Variants in COL5A1 observed in about 807,000 individuals in gnomAD.
COL5A1 encodes the protein collagen alpha-1(V) chain.
A neutral mutation model predicts 263.7 loss-of-function variants in COL5A1; 16 were observed. The observed-to-expected ratio is 0.06, with a 90% CI of 0.04 to 0.09. The LOEUF (loss-of-function observed/expected upper bound fraction) is 0.09. COL5A1 is among the 10% of genes least tolerant of loss of function. The pLI, the probability that COL5A1 is intolerant of heterozygous loss-of-function variation, is 1.00. For missense variants in COL5A1, 2,036 were observed against 2,540.5 expected (o/e 0.80, Z 4.27); for synonymous variants, 1,012 against 1,004.5 (o/e 1.01, Z -0.14).
intron 4 of COL5A1, among the ~76,000 whole-genome samples, chr9:134,724,934 G>C (rs1418414717): frequency 1.3e-5 from 2 of 152,096 alleles, no homozygotes; most frequent in African/African-American, 4.8e-5. Flanking sequence ...TGGAGAACTT[G>C]CCATCCTCCA....
chr9:134,813,759 T>C (rs934748738), intron 48 of COL5A1, among the ~76,000 whole-genome samples: 2 of 152,232 alleles, frequency 1.3e-5, no homozygotes, highest in African/African-American at 4.8e-5. Context: ...ACAGTGTTGC[T>C]TGCAGTCTGG....
chr9:134,703,862 A>C (rs1833757339), intron 4 of COL5A1, among the ~76,000 whole-genome samples: 1 of 151,574 alleles, frequency 6.6e-6, no homozygotes, highest in Non-Finnish European at 1.5e-5. Flanking sequence ...GATGGTCTCG[A>C]TCTCCTGACC....
intron 1 of COL5A1, among the ~76,000 whole-genome samples, chr9:134,670,449 C>G (rs1171617964): frequency 4.6e-5 from 7 of 152,196 alleles, no homozygotes; most frequent in Non-Finnish European, 8.8e-5. Context: ...TGTCCGAGAA[C>G]TGGGGCTGCT....
rs573623964 is a variant in COL5A1 at position 134,835,231 on chromosome 9, C to T, written c.5370+27C>T. On this transcript the variant is annotated intron_variant, in intron 65 of 65. Transcript: ENST00000371817. ...TGAGTATCCCGCGCCGCGCCCAGCACCCCTGCTCACGCCTCCGTGGGGCTC... is the reference window on the plus strand; with the variant it reads ...TGAGTATCCCGCGCCGCGCCCAGCATCCCTGCTCACGCCTCCGTGGGGCTC... 22 of 1,592,698 alleles carry T rather than the reference C, an allele frequency of 1.4e-5. No individual in the cohort carries two copies. In the African/African-American group the frequency reaches 2.7e-4, roughly 19 times the overall value.
At chr9:134,793,389 G>GGT (rs1554801168) in intron 32 of COL5A1, among the ~76,000 whole-genome samples, 5 of 151,766 alleles carry the variant, frequency 3.3e-5, no homozygotes, top group African/African-American at 1.2e-4. Flanking sequence ...GAGGCTGGGG[G>GGT]GGGCATTCTG....
intron 34 of COL5A1, among the ~76,000 whole-genome samples, chr9:134,795,866 G>A (rs569328750): frequency 2.8e-4 from 42 of 152,210 alleles, no homozygotes; most frequent in Admixed American, 7.9e-4. Flanking sequence ...GCTGGGATGA[G>A]TCTTCCAAGG....
intron 28 of COL5A1, among the ~76,000 whole-genome samples, chr9:134,780,646 C>T (rs1837216363): frequency 6.6e-6 from 1 of 152,242 alleles, no homozygotes; most frequent in South Asian, 2.1e-4. Flanking sequence ...TCCGTGGGGG[C>T]AGGTCAGGCC....
At position 134,844,571 on chromosome 9, in the gene COL5A1, T is replaced by G. The variant is rs1830195143; in HGVS notation, c.*2268T>G. ...AAATTCTTTTGGTGTAATTTTATTTTTTCCTCTCAATATATATAATTGGAC... is the reference window on the plus strand; with the variant it reads ...AAATTCTTTTGGTGTAATTTTATTTGTTCCTCTCAATATATATAATTGGAC... On this transcript the variant is annotated 3_prime_UTR_variant, in exon 66 of 66. Coordinates refer to ENST00000371817, the MANE Select transcript of COL5A1 (RefSeq NM_000093.5). 2 of 152,208 alleles carry G rather than the reference T, an allele frequency of 1.3e-5. No individual in the cohort carries two copies. Among genetic ancestry groups the G allele is most frequent in the African/African-American group, 4.8e-5 (2 of 41,446 alleles). 9.4% of individuals were successfully genotyped at this position (152,208 alleles called of 1,614,324 possible).
chr9:134,688,570 C>T lies in COL5A1; in HGVS notation c.110-2342C>T, dbSNP rs547669036. Reference sequence around the variant, plus strand: ...CCAGGTGGGAGGTGCCATACATGCCCGAGGGGGTGACAGAGCTGGGTGGGC... The same window carrying T: ...CCAGGTGGGAGGTGCCATACATGCCTGAGGGGGTGACAGAGCTGGGTGGGC... On this transcript the variant is annotated intron_variant, in intron 1 of 65. Transcript: ENST00000371817. 6.6e-5 allele frequency among the ~76,000 whole-genome samples: 10 copies of T among 152,260 alleles called. No homozygotes were observed. The South Asian group carries it at 8.3e-4, about 13-fold the overall frequency.
In COL5A1 at chr9:134,647,378, C is replaced by T. The variant is rs557752635; in HGVS notation, c.109+5082C>T. On this transcript the variant is annotated intron_variant, in intron 1 of 65. Coordinates refer to ENST00000371817, the MANE Select transcript of COL5A1 (RefSeq NM_000093.5). This position sits in a 1 kb window ranked among gnomAD's most constrained non-coding sequence, Gnocchi z 5.0. ...TTTGTGTGTATGTGTGTCATGTGTG[C>T]GTGTGTGTGTGTGTGTGTCAGGCCG... is the stretch of plus-strand genomic sequence containing the variant. Among the ~76,000 whole-genome samples, 355 of 150,528 alleles carry T rather than the reference C, an allele frequency of 2.4e-3. 2 individuals are homozygous for T. In the Middle Eastern group the frequency reaches 0.038, roughly 16 times the overall value.
intron 1 of COL5A1, among the ~76,000 whole-genome samples, chr9:134,643,430 C>G (rs1027170350): frequency 1.3e-5 from 2 of 152,148 alleles, no homozygotes; most frequent in East Asian, 1.9e-4. Flanking sequence ...CTCTGCTTCA[C>G]GATTGGAAGA....
At chr9:134,728,931 G>C (rs961857361) in intron 6 of COL5A1, 124 bp downstream of exon 6, 30 of 1,288,710 alleles carry the variant, frequency 2.3e-5, no homozygotes, top group Non-Finnish European at 3.3e-5. Flanking sequence ...AGGTTGCGGG[G>C]GCAGCTCAGT....
chr9:134,782,768 T>G (rs1200761364), intron 29 of COL5A1, 48 bp downstream of exon 29: 1 of 1,569,866 alleles, frequency 6.4e-7, no homozygotes, highest in South Asian at 1.1e-5. Context: ...CTGGGTGGGC[T>G]TGGCCGTGTG....
At position 134,824,713 on chromosome 9, in the gene COL5A1, C is replaced by T. The variant is rs542783734; in HGVS notation, c.4812C>T (p.Tyr1604=). The change falls in exon 62 of 66, where the codon TAC becomes TAT. Residue 1604 remains tyrosine (Y), a synonymous_variant. Transcript: ENST00000371817. The part of the protein sequence containing the change: ...DDGNGENYVD[Y]ADGMEEIFGS... The stretch of plus-strand genomic sequence containing the variant: ...GGAATGGCGAGAACTACGTGGACTA[C>T]GCGGACGGCATGGAAGAGATCTTCG... 5.8e-5 allele frequency: 93 copies of T among 1,614,216 alleles called. No homozygotes were observed. The East Asian group carries it at 8.0e-4, about 14-fold the overall frequency.
intron 28 of COL5A1, among the ~76,000 whole-genome samples, chr9:134,781,686 A>G (rs1437308703): frequency 6.6e-6 from 1 of 152,128 alleles, no homozygotes; most frequent in South Asian, 2.1e-4. Flanking sequence ...CTGGGGAAGG[A>G]GTGGGGCAGT....
chr9:134,654,567 G>T (rs1459040131), intron 1 of COL5A1, among the ~76,000 whole-genome samples: 5 of 126,534 alleles, frequency 4.0e-5, no homozygotes, highest in African/African-American at 6.1e-5. Flanking sequence ...GGCTGGGTGT[G>T]TGTAGGGCTG....
At chr9:134,776,154 A>G (rs941123551) in intron 27 of COL5A1, among the ~76,000 whole-genome samples, 1 of 152,160 alleles carries the variant, frequency 6.6e-6, no homozygotes, top group East Asian at 1.9e-4. Flanking sequence ...AGACCTCCCA[A>G]CGGTTGGGAG....
chr9:134,806,010 C>T (rs536755105), intron 41 of COL5A1, among the ~76,000 whole-genome samples, 179 bp from the exon 42 acceptor site: 1 of 152,294 alleles, frequency 6.6e-6, no homozygotes, highest in South Asian at 2.1e-4. Context: ...CTTGGAGTTA[C>T]AGGAAGACAC....
At position 134,820,229 on chromosome 9, in the gene COL5A1, T is replaced by C. The variant is rs1362318572; in HGVS notation, c.4554+6T>C. 1.9e-6 allele frequency: 3 copies of C among 1,608,806 alleles called. No individual in the cohort carries two copies. The South Asian group carries it at 3.3e-5, about 18-fold the overall frequency. ...CCGGTCCTAAGGGAGAACAGGTGCG[T>C]GAGATGGCACTTCTTGCATGTGGGC... On this transcript the variant is annotated splice_donor_region_variant and intron_variant, in intron 58 of 65. Transcript: ENST00000371817.
Sources: gnomAD v4.1 joint callset for allele counts (sites outside exome capture counted in the v4.1 genomes callset) on GRCh38, gnomAD v4.1.1 for gene constraint, Gnocchi (gnomAD v3.1) non-coding constraint, MANE v1.5 for transcripts, NCBI Gene and HGNC (gene_info 2026-07-23, HGNC 2026-07-21) for gene names.